PTPRD: variants seen among roughly 807,000 people sequenced by gnomAD.
PTPRD encodes receptor-type tyrosine-protein phosphatase delta.
A neutral mutation model predicts 214.5 loss-of-function variants in PTPRD; 34 were observed. That is an observed-to-expected ratio of 0.16 (90% CI 0.12 to 0.21). The LOEUF is 0.21. Ranked by LOEUF, PTPRD falls within the 10% of genes least tolerant of loss-of-function variation. PTPRD has a pLI of 1.00. For synonymous variants in PTPRD, 1,128 were observed against 845.7 expected, an observed-to-expected ratio of 1.33 and a Z score of -5.79; for missense variants, 2,545 against 2,398.7, an observed-to-expected ratio of 1.06 and a Z score of -1.27.
chr9:9,379,770 C>T (rs950762469), intron 9 of PTPRD, among the ~76,000 whole-genome samples: 1 of 151,820 alleles, frequency 6.6e-6, no homozygotes, highest in African/African-American at 2.4e-5. Flanking sequence ...TTTCTACCTA[C>T]TGTTTATTTC....
chr9:10,292,927 T>A (rs1038773093), intron 3 of PTPRD, among the ~76,000 whole-genome samples: 1 of 151,942 alleles, frequency 6.6e-6, no homozygotes. Flanking sequence ...AATAAGTCAC[T>A]ACAAATAATG....
At chr9:9,635,331 C>T (rs777874590) in intron 7 of PTPRD, among the ~76,000 whole-genome samples, 12 of 152,140 alleles carry the variant, frequency 7.9e-5, no homozygotes, top group South Asian at 2.1e-4. Context: ...GATTAAATCC[C>T]GTATGTCCAA....
At chr9:9,860,244 C>T (rs2062431337) in intron 5 of PTPRD, among the ~76,000 whole-genome samples, 1 of 152,108 alleles carries the variant, frequency 6.6e-6, no homozygotes, top group Admixed American at 6.5e-5. Flanking sequence ...TCACTAAAGA[C>T]AACACAAATG....
chr9:10,537,322 C>G (rs1392546575), intron 2 of PTPRD, among the ~76,000 whole-genome samples: 3 of 152,100 alleles, frequency 2.0e-5, no homozygotes, highest in Admixed American at 2.0e-4. Flanking sequence ...AGCCTTAATT[C>G]CAAATTCTGT....
chr9:8,948,267 C>G (rs1378721678), intron 11 of PTPRD, among the ~76,000 whole-genome samples: 1 of 148,234 alleles, frequency 6.7e-6, no homozygotes, highest in Non-Finnish European at 1.5e-5. Flanking sequence ...ATCTGCCTGC[C>G]TCAGCCTCCC....
chr9:9,203,404 G>T (rs2099943033), intron 9 of PTPRD, among the ~76,000 whole-genome samples: 2 of 152,040 alleles, frequency 1.3e-5, no homozygotes, highest in East Asian at 1.9e-4. Context: ...TTTTTGTTAT[G>T]CTTTACCACA....
Position 9,774,146 on chromosome 9 carries a change from A to G in PTPRD, c.-367-7295T>C, listed in dbSNP as rs548197584. On this transcript the variant is annotated intron_variant, in intron 5 of 45. Coordinates refer to ENST00000381196, the MANE Select transcript of PTPRD (RefSeq NM_002839.4). ...TAAGGATATCGGAATCAAGAGTTCC[A>G]GGTCACAGTGTGCCCCGCAGCTAGA... Among the ~76,000 whole-genome samples the G allele has an allele frequency of 7.9e-5, 12 of 152,344 alleles. No homozygotes were observed. The East Asian group carries it at 2.3e-3, about 29-fold the overall frequency.
intron 5 of PTPRD, among the ~76,000 whole-genome samples, chr9:9,901,197 T>A (rs935165149): frequency 2.0e-5 from 3 of 152,176 alleles, no homozygotes; most frequent in Non-Finnish European, 4.4e-5. Flanking sequence ...TGTCTCGGAC[T>A]AGCCTTTAGC....
intron 12 of PTPRD, among the ~76,000 whole-genome samples, chr9:8,642,892 A>G (rs77052213): frequency 0.088 from 13,416 of 152,144 alleles, 678 homozygotes; most frequent in East Asian, 0.17. Context: ...CCAACACATG[A>G]CGAAAGGGAG....
intron 9 of PTPRD, among the ~76,000 whole-genome samples, chr9:9,192,246 A>C (rs1041755554): frequency 6.6e-6 from 1 of 152,080 alleles, no homozygotes; most frequent in Non-Finnish European, 1.5e-5. Context: ...TGTAAGAAAA[A>C]AATTATAAAG....
At chr9:8,430,837 A>C (rs369879924) in intron 35 of PTPRD, among the ~76,000 whole-genome samples, 2 of 152,006 alleles carry the variant, frequency 1.3e-5, no homozygotes, top group African/African-American at 4.8e-5. Flanking sequence ...ACCTTTCTCA[A>C]TTCTCCAGAT....
intron 11 of PTPRD, among the ~76,000 whole-genome samples, chr9:8,788,113 C>T (rs1210254351): frequency 6.6e-6 from 1 of 152,026 alleles, no homozygotes; most frequent in Non-Finnish European, 1.5e-5. Flanking sequence ...GTATCGAAAA[C>T]ATTCTGTGCT....
chr9:10,601,980 T>C (rs889266362), intron 2 of PTPRD, among the ~76,000 whole-genome samples: 1 of 151,862 alleles, frequency 6.6e-6, no homozygotes, highest in African/African-American at 2.4e-5. Flanking sequence ...GTTCACTACG[T>C]GTTTACATAT....
chr9:8,833,830 T>A (rs1320501611), intron 11 of PTPRD, among the ~76,000 whole-genome samples: 2 of 151,522 alleles, frequency 1.3e-5, no homozygotes, highest in Non-Finnish European at 2.9e-5. Flanking sequence ...TCCAGACTGG[T>A]TGCTTGGTTT....
chr9:10,095,186 C>A, intron 3 of PTPRD, among the ~76,000 whole-genome samples: 1 of 151,326 alleles, frequency 6.6e-6, no homozygotes, highest in South Asian at 2.1e-4. Context: ...TAGAGAAATT[C>A]TTTCACTTTA....
chr9:9,808,547 G>A (rs2153532850), intron 5 of PTPRD, among the ~76,000 whole-genome samples: 1 of 152,200 alleles, frequency 6.6e-6, no homozygotes, highest in African/African-American at 2.4e-5. Context: ...AGACTGCCTG[G>A]GAGACTTTAT....
intron 2 of PTPRD, among the ~76,000 whole-genome samples, chr9:10,418,384 T>C (rs560647120): frequency 6.6e-5 from 10 of 151,074 alleles, no homozygotes; most frequent in African/African-American, 1.7e-4. Context: ...TAGGATTCCA[T>C]TGTGAGAGTT....
intron 34 of PTPRD, among the ~76,000 whole-genome samples, chr9:8,448,244 C>T (rs961106238): frequency 6.6e-6 from 1 of 152,142 alleles, no homozygotes; most frequent in Non-Finnish European, 1.5e-5. Context: ...AGGGGGATCA[C>T]CTGATCCCGG....
chr9:10,467,639 G>C (rs1588860872), intron 2 of PTPRD, among the ~76,000 whole-genome samples: 1 of 151,324 alleles, frequency 6.6e-6, no homozygotes, highest in East Asian at 1.9e-4. Flanking sequence ...ATATATGTAT[G>C]ACAAAAATAT....
Sources: gnomAD v4.1 joint callset for allele counts (sites outside exome capture counted in the v4.1 genomes callset) on GRCh38, gnomAD v4.1.1 for gene constraint, MANE v1.5 for transcripts, NCBI Gene and HGNC (gene_info 2026-07-23, HGNC 2026-07-21) for gene names.